The following DMXL1 variants were observed in gnomAD, a reference collection of about 807,000 sequenced individuals.
The protein encoded by DMXL1 is Dmx like 1, also known as dmX-like protein 1.
A neutral mutation model predicts 319.2 loss-of-function variants in DMXL1; 99 were observed. The ratio of observed to expected loss-of-function variants is 0.31; its 90% CI spans 0.26 to 0.37. The LOEUF is 0.37. DMXL1 is among the 10% of genes least tolerant of loss of function. The pLI, the probability that DMXL1 is intolerant of heterozygous loss-of-function variation, is 1.00. For missense variants in DMXL1, 3,745 were observed against 3,595.6 expected, an observed-to-expected ratio of 1.04 and a Z score of -1.06; for synonymous variants, 1,385 against 1,235.2, an observed-to-expected ratio of 1.12 and a Z score of -2.54.
At chr5:119,185,534 A>C (rs962757037) in intron 28 of DMXL1, among the ~76,000 whole-genome samples, 1 of 151,990 alleles carries the variant, frequency 6.6e-6, no homozygotes, top group African/African-American at 2.4e-5. Context: ...ACAGAGTCTC[A>C]CTTTGTCACC....
intron 27 of DMXL1, 66 bp downstream of exon 27, chr5:119,177,550 A>AAT: frequency 7.9e-7 from 1 of 1,271,170 alleles, no homozygotes; most frequent in Non-Finnish European, 1.0e-6. Flanking sequence ...AAGTAGAAAG[A>AAT]CTTTTAGTTT....
At chr5:119,205,980 T>C (rs1173908961) in intron 33 of DMXL1, among the ~76,000 whole-genome samples, 1 of 152,074 alleles carries the variant, frequency 6.6e-6, no homozygotes, top group East Asian at 1.9e-4. Context: ...TGAGAACTGC[T>C]CTTTCTTTAT....
chr5:119,207,383 A>G (rs1433872517), intron 34 of DMXL1, among the ~76,000 whole-genome samples: 1 of 152,196 alleles, frequency 6.6e-6, no homozygotes, highest in East Asian at 1.9e-4. Context: ...TGGTAGCAAT[A>G]GCATGTAGCA....
intron 19 of DMXL1, among the ~76,000 whole-genome samples, chr5:119,162,365 T>C (rs894852296): frequency 6.6e-6 from 1 of 152,192 alleles, no homozygotes; most frequent in Non-Finnish European, 1.5e-5. Flanking sequence ...TATCTTAGAC[T>C]GGGTAATTTG....
chr5:119,164,004 C>A (rs1772867185), intron 19 of DMXL1, among the ~76,000 whole-genome samples: 1 of 152,120 alleles, frequency 6.6e-6, no homozygotes, highest in Admixed American at 6.5e-5. Context: ...AGCCACCGCA[C>A]CCTGCTAGAG....
At chr5:119,204,572 T>G (rs1311676077) in intron 33 of DMXL1, among the ~76,000 whole-genome samples, 2 of 152,130 alleles carry the variant, frequency 1.3e-5, no homozygotes. Context: ...TTTTTTTTTT[T>G]TGTCATTTAG....
intron 42 of DMXL1, among the ~76,000 whole-genome samples, chr5:119,243,968 C>A (rs77264124): frequency 0.028 from 4,215 of 152,260 alleles, 182 homozygotes; most frequent in African/African-American, 0.096. Context: ...ACAGTTGAAT[C>A]TGGGGGACCT....
chr5:119,103,103 AAAG>A lies in DMXL1; in HGVS notation c.285+1100_285+1102del, dbSNP rs202016647. Among the ~76,000 whole-genome samples the A allele has an allele frequency of 5.2e-3, 792 of 152,022 alleles. 3 individuals are homozygous for A. Among genetic ancestry groups the A allele is most frequent in the African/African-American group, 0.018 (765 of 41,470 alleles). ...AAAGATTTTTTTTTTTTTTAAAAAAAAAGAAAGAGCAGTGTATTGGGAGTCATA... is the reference window on the plus strand; with the variant it reads ...AAAGATTTTTTTTTTTTTTAAAAAAAAAAGAGCAGTGTATTGGGAGTCATA... On this transcript the variant is annotated intron_variant, in intron 3 of 43. Coordinates refer to ENST00000539542, the MANE Select transcript of DMXL1 (RefSeq NM_001290321.3).
chr5:119,177,531 A>G, intron 27 of DMXL1, 47 bp downstream of exon 27: 2 of 1,490,368 alleles, frequency 1.3e-6, no homozygotes, highest in Non-Finnish European at 1.8e-6. Context: ...CTTATTTATA[A>G]TCTTAGATAA....
At chr5:119,078,859 C>T (rs147434010) in intron 1 of DMXL1, among the ~76,000 whole-genome samples, 6 of 152,248 alleles carry the variant, frequency 3.9e-5, no homozygotes, top group East Asian at 1.9e-4. Context: ...GTTGTTTCAC[C>T]GTTATTGCTA....
intron 1 of DMXL1, among the ~76,000 whole-genome samples, chr5:119,089,582 A>G (rs189294919): frequency 3.3e-5 from 5 of 149,536 alleles, no homozygotes; most frequent in Non-Finnish European, 7.4e-5. Flanking sequence ...TGCTGGGATT[A>G]CAAGCATCAG....
At position 119,247,222 on chromosome 5, in the gene DMXL1, T is replaced by C. The variant is rs1284154371; in HGVS notation, c.*3T>C. On this transcript the variant is annotated 3_prime_UTR_variant, in exon 44 of 44. Coordinates refer to ENST00000539542, the MANE Select transcript of DMXL1 (RefSeq NM_001290321.3). Reference sequence around the variant, plus strand: ...ATGATGTGAAATTTATGCTATAACATTTTTACAATAAGATGTACAATTTAT... The same window carrying C: ...ATGATGTGAAATTTATGCTATAACACTTTTACAATAAGATGTACAATTTAT... 6.3e-7 allele frequency: 1 copy of C among 1,599,204 alleles called. No individual in the cohort carries two copies. Among genetic ancestry groups the C allele is most frequent in the Admixed American group, 1.7e-5 (1 of 59,764 alleles).
chr5:119,087,892 C>T (rs889782177), intron 1 of DMXL1, among the ~76,000 whole-genome samples: 29 of 152,154 alleles, frequency 1.9e-4, no homozygotes, highest in Non-Finnish European at 5.9e-5. Flanking sequence ...CCCTCTGCCT[C>T]CCAGGTTCAA....
intron 9 of DMXL1, among the ~76,000 whole-genome samples, chr5:119,128,767 T>TA (rs34993822): frequency 9.2e-5 from 14 of 152,152 alleles, no homozygotes; most frequent in African/African-American, 2.9e-4. Context: ...AAATAGTATT[T>TA]AAAAAATCTT....
chr5:119,081,046 C>G (rs1752085229), intron 1 of DMXL1, among the ~76,000 whole-genome samples: 1 of 152,172 alleles, frequency 6.6e-6, no homozygotes, highest in Non-Finnish European at 1.5e-5. Context: ...AGATGTTACC[C>G]ACTAGAATTG....
In DMXL1 at chr5:119,133,356, T is replaced by C; in HGVS notation, c.1540T>C (p.Tyr514His). The C allele has an allele frequency of 6.2e-7, 1 of 1,613,190 alleles. No individual in the cohort carries two copies. Among genetic ancestry groups the C allele is most frequent in the South Asian group, 1.1e-5 (1 of 91,072 alleles). The change falls in exon 11 of 44, where the codon TAC (tyrosine) becomes CAC (histidine). Residue 514 changes from tyrosine (Y) to histidine (H), a missense_variant. Transcript: ENST00000539542. ...TTGGCATGTGGATTGGCTGGATGAA[T>C]ACCAGCCTGGTATGTTTCGTCAAGT... The part of the protein sequence containing the change: ...LVWHVDWLDE[Y>H]QPGMFRQVQV...
At chr5:119,189,430 T>C (rs3813300) in intron 28 of DMXL1, among the ~76,000 whole-genome samples, 1 of 152,176 alleles carries the variant, frequency 6.6e-6, no homozygotes, top group East Asian at 1.9e-4. Context: ...TGTGGACTGA[T>C]TTATGGGCGG....
At chr5:119,202,189 T>G (rs1194457922) in intron 32 of DMXL1, among the ~76,000 whole-genome samples, 1 of 152,180 alleles carries the variant, frequency 6.6e-6, no homozygotes, top group Non-Finnish European at 1.5e-5. Flanking sequence ...CTTTCTAACT[T>G]TTGATGTGGA....
At chr5:119,192,258 CCTTCTATCAGACA>C (rs1778823900) in intron 29 of DMXL1, among the ~76,000 whole-genome samples, 1 of 152,284 alleles carries the variant, frequency 6.6e-6, no homozygotes, top group Admixed American at 6.5e-5. Context: ...TGGAGAAAGT[CCTTCTATCAGACA>C]CCTTTTCTCG....
Sources: allele counts gnomAD v4.1 joint callset (sites outside exome capture counted in the v4.1 genomes callset), GRCh38; gene constraint gnomAD v4.1.1; transcripts MANE v1.5; gene names NCBI Gene and HGNC (gene_info 2026-07-23, HGNC 2026-07-21).